The following ELAVL4 variants were observed in gnomAD, a reference collection of about 807,000 sequenced individuals.
ELAVL4 encodes ELAV-like protein 4.
ELAVL4 carries 1 observed loss-of-function variant against 35.6 expected under a neutral mutation model. That is an observed-to-expected ratio of 0.03 (90% CI 0.01 to 0.13). The LOEUF is 0.13. Ranked by LOEUF, ELAVL4 falls within the 10% of genes least tolerant of loss-of-function variation. ELAVL4 has a pLI of 1.00. For missense variants in ELAVL4, 267 were observed against 464.9 expected, an observed-to-expected ratio of 0.57 and a Z score of 3.91; for synonymous variants, 156 against 171.0, an observed-to-expected ratio of 0.91 and a Z score of 0.69.
At position 50,177,181 on chromosome 1, in the gene ELAVL4, A is replaced by G; in HGVS notation, c.343A>G (p.Lys115Glu). The change falls in exon 3 of 7, where the codon AAA becomes GAA. Residue 115 changes from lysine to glutamate, a missense_variant. Physicochemically the swap from Lys to Glu is moderately conservative, Grantham distance 56. This residue lies in a region of ELAVL4 where 216 missense variants were observed against 409.5 expected (regional missense o/e 0.53). Transcript: ENST00000371824. Reference sequence around the variant, plus strand: ...TTTAAATGGACTCAGACTCCAGACCAAAACCATAAAGGTAAGAGGTGATGT... The same window carrying G: ...TTTAAATGGACTCAGACTCCAGACCGAAACCATAAAGGTAAGAGGTGATGT... The part of the protein sequence containing the change: ...NTLNGLRLQT[K>E]TIKVSYARPS... The G allele has an allele frequency of 6.2e-7, 1 of 1,613,502 alleles. No homozygotes were observed. Among genetic ancestry groups the G allele is most frequent in the Non-Finnish European group, 8.5e-7 (1 of 1,179,464 alleles).
At chr1:50,181,930 G>A (rs527416299) in intron 3 of ELAVL4, among the ~76,000 whole-genome samples, 2 of 152,172 alleles carry the variant, frequency 1.3e-5, no homozygotes, top group Non-Finnish European at 2.9e-5. Flanking sequence ...TGATCCACCC[G>A]CCTCAGCCTC....
rs1644424789 is a variant in ELAVL4 at position 50,202,413 on chromosome 1, T to C, written c.*1235T>C. 1.3e-5 allele frequency: 2 copies of C among 152,222 alleles called. No homozygotes were observed. Among genetic ancestry groups the C allele is most frequent in the Admixed American group, 6.5e-5 (1 of 15,286 alleles). The allele number at this position is 152,222 out of a possible 1,614,324, so 9.4% of individuals were successfully genotyped here. On this transcript the variant is annotated 3_prime_UTR_variant, in exon 7 of 7. Transcript: ENST00000371824. ...GTGTTTAGGAGAGGAAAACAAAAGA[T>C]ACATTTGCTTTAAATTCATTAAGAA...
At chr1:50,121,482 T>G (rs1003730434) in intron 1 of ELAVL4, among the ~76,000 whole-genome samples, 4 of 152,094 alleles carry the variant, frequency 2.6e-5, no homozygotes, top group Admixed American at 2.6e-4. Context: ...GGGTTAGTAT[T>G]ATTTCATGAA....
At chr1:50,097,170 T>C (rs1665753315) in intron 1 of ELAVL4, among the ~76,000 whole-genome samples, 1 of 152,072 alleles carries the variant, frequency 6.6e-6, no homozygotes. Flanking sequence ...CAGTGAGCCA[T>C]GATCATGCCA....
rs376206166 is a variant in ELAVL4 at position 50,059,044 on chromosome 1, C to G, written c.18+10862C>G. On this transcript the variant is annotated intron_variant, in intron 1 of 6. Transcript: ENST00000448907. ...TAGATTCATTTTTCTTCCTTACTGC[C>G]TGCATTAAATTTTTCAGTCTCTGGG... Among the ~76,000 whole-genome samples, 51 of 152,186 alleles carry G rather than the reference C, an allele frequency of 3.4e-4. 1 individual carries two copies. The South Asian group carries it at 9.4e-3, about 28-fold the overall frequency.
intron 1 of ELAVL4, among the ~76,000 whole-genome samples, chr1:50,068,423 T>TG (rs1664366530): frequency 6.6e-6 from 1 of 152,168 alleles, no homozygotes; most frequent in African/African-American, 2.4e-5. Flanking sequence ...GACCAATGGC[T>TG]GGAGGTTTCA....
chr1:50,067,947 A>G (rs960986996), intron 1 of ELAVL4, among the ~76,000 whole-genome samples: 1 of 152,196 alleles, frequency 6.6e-6, no homozygotes, highest in Non-Finnish European at 1.5e-5. Flanking sequence ...GAACAGCAGC[A>G]TGGAGGTAAC....
rs1677576178 is a variant in ELAVL4, at chr1:50,165,422, C to T, written c.251-11667C>T. Among the ~76,000 whole-genome samples the T allele has an allele frequency of 4.1e-5, 6 of 145,028 alleles. No individual in the cohort carries two copies. The Admixed American group carries it at 4.3e-4, about 10-fold the overall frequency. On this transcript the variant is annotated intron_variant, in intron 2 of 6. Transcript: ENST00000371824. ...GGTTCTCTAGAAGGACAAGAACTAA[C>T]AGGAGATATATATATATATAGATAT...
At chr1:50,176,535 G>T (rs1018373073) in intron 2 of ELAVL4, among the ~76,000 whole-genome samples, 1 of 152,200 alleles carries the variant, frequency 6.6e-6, no homozygotes, top group Non-Finnish European at 1.5e-5. Context: ...GAGCATAGCT[G>T]TCTTTTGTTG....
At chr1:50,108,446 A>G (rs1458564511), upstream of ELAVL4, among the ~76,000 whole-genome samples, 1 of 152,196 alleles carries the variant, frequency 6.6e-6, no homozygotes, top group African/African-American at 2.4e-5. Flanking sequence ...CTTTTGTTGT[A>G]CCTTTAAGCC....
At chr1:50,119,052 GAAAGAAAGAA>G (rs1318428987) in intron 1 of ELAVL4, among the ~76,000 whole-genome samples, 1 of 122,414 alleles carries the variant, frequency 8.2e-6, no homozygotes, top group Non-Finnish European at 1.7e-5. Context: ...AAGAAAGAAA[GAAAGAAAGAA>G]AGAAAGAAAG....
chr1:50,146,450 G>A (rs1673744369), intron 2 of ELAVL4, among the ~76,000 whole-genome samples: 1 of 152,148 alleles, frequency 6.6e-6, no homozygotes, highest in Non-Finnish European at 1.5e-5. Context: ...AGGATTAAAT[G>A]AGAGACTAGA....
At chr1:50,126,027 C>T (rs1044771932) in intron 1 of ELAVL4, among the ~76,000 whole-genome samples, 1 of 151,960 alleles carries the variant, frequency 6.6e-6, no homozygotes, top group African/African-American at 2.4e-5. Context: ...AATCGGGGCC[C>T]GGCACCTAGT....
Position 50,109,174 on chromosome 1 carries a change from A to G in ELAVL4, c.-16A>G. The G allele has an allele frequency of 3.1e-6, 5 of 1,611,652 alleles. No homozygotes were observed. Among genetic ancestry groups the G allele is most frequent in the Non-Finnish European group, 4.2e-6 (5 of 1,178,986 alleles). Reference sequence around the variant, plus strand: ...AAGAGTCGAAGCTCTGCGAGACCCAATATTTGCCAATAAGAATGGTTATGG... The same window carrying G: ...AAGAGTCGAAGCTCTGCGAGACCCAGTATTTGCCAATAAGAATGGTTATGG... On this transcript the variant is annotated 5_prime_UTR_variant, in exon 1 of 7. Transcript: ENST00000371824.
rs546540008 is a variant in ELAVL4 at position 50,069,552 on chromosome 1, G to T, written c.18+21370G>T. ...AGAAGTTGTTCAATAAATATTTTTT[G>T]GATGCATAGTCTTGGTTCCCCTACA... On this transcript the variant is annotated intron_variant, in intron 1 of 6. Transcript: ENST00000448907. Among the ~76,000 whole-genome samples, 7 of 152,216 alleles carry T rather than the reference G, an allele frequency of 4.6e-5. No homozygotes were observed. In the South Asian group the frequency reaches 1.5e-3, roughly 32 times the overall value.
chr1:50,199,155 T>G (rs1644248772), intron 6 of ELAVL4, among the ~76,000 whole-genome samples: 1 of 152,232 alleles, frequency 6.6e-6, no homozygotes, highest in Non-Finnish European at 1.5e-5. Flanking sequence ...ATTGACTTAG[T>G]GAATAATAGC....
chr1:50,137,188 C>G (rs933901253), intron 1 of ELAVL4, among the ~76,000 whole-genome samples: 1 of 152,046 alleles, frequency 6.6e-6, no homozygotes, highest in Non-Finnish European at 1.5e-5. Context: ...GACTTTCCAT[C>G]TTTATTTTTA....
intron 1 of ELAVL4, among the ~76,000 whole-genome samples, chr1:50,127,076 C>G (rs1458582950): frequency 2.0e-5 from 3 of 152,034 alleles, no homozygotes; most frequent in Non-Finnish European, 2.9e-5. Flanking sequence ...TAAAGAGTCA[C>G]CCATTCCTCT....
At chr1:50,091,482 A>G (rs1297923490) in intron 1 of ELAVL4, among the ~76,000 whole-genome samples, 1 of 152,194 alleles carries the variant, frequency 6.6e-6, no homozygotes, top group African/African-American at 2.4e-5. Flanking sequence ...CAAGGCCATC[A>G]GAAGTGTTTA....
Sources: gnomAD v4.1 joint callset for allele counts (sites outside exome capture counted in the v4.1 genomes callset) on GRCh38, gnomAD v4.1.1 for gene constraint, gnomAD v4.1.1 regional missense constraint, MANE v1.5 for transcripts, NCBI Gene and HGNC (gene_info 2026-07-23, HGNC 2026-07-21) for gene names.